The following EBF1 variants were observed in gnomAD, a reference collection of about 807,000 sequenced individuals.
EBF1 encodes the protein transcription factor COE1.
EBF1 carries 10 observed loss-of-function variants against 68.4 expected under a neutral mutation model. The ratio of observed to expected loss-of-function variants is 0.15; its 90% confidence interval spans 0.09 to 0.25. The LOEUF is 0.25. EBF1 is among the 10% of genes least tolerant of loss of function. The pLI is 1.00. For synonymous variants in EBF1, 298 were observed against 299.8 expected (o/e 0.99, Z 0.06); for missense variants, 509 against 794.4 (o/e 0.64, Z 4.32).
At chr5:158,919,828 G>C (rs1808009164) in intron 6 of EBF1, among the ~76,000 whole-genome samples, 1 of 152,162 alleles carries the variant, frequency 6.6e-6, no homozygotes, top group Non-Finnish European at 1.5e-5. Context: ...CCAATTTACA[G>C]ATAGGAATCT....
chr5:159,045,879 AGGAC>A (rs1368454403), intron 6 of EBF1, among the ~76,000 whole-genome samples: 1 of 152,190 alleles, frequency 6.6e-6, no homozygotes, highest in African/African-American at 2.4e-5. Flanking sequence ...CACCACAAAA[AGGAC>A]TGGAGGAAAA....
In EBF1 at chr5:158,997,426, A is replaced by G. The variant is rs528157012; in HGVS notation, c.554+75970T>C. 1.7e-3 allele frequency among the ~76,000 whole-genome samples: 261 copies of G among 152,292 alleles called. 1 individual carries two copies. The highest frequency in any genetic ancestry group is 6.1e-3 in the African/African-American group (252 of 41,566). On this transcript the variant is annotated intron_variant, in intron 6 of 15. Coordinates refer to ENST00000313708, the MANE Select transcript of EBF1 (RefSeq NM_024007.5). ...TTTTGCAGTTTCCAGTTATCTAAAAATTGCTAATCCACATACATAGAGTTG... is the reference window on the plus strand; with the variant it reads ...TTTTGCAGTTTCCAGTTATCTAAAAGTTGCTAATCCACATACATAGAGTTG...
rs146040232 is a variant in EBF1, at chr5:159,064,058, G to A, written c.554+9338C>T. ...TATGGATTACTGATGTTTTTTTCAA[G>A]CAAATACACAATCAAATTAAATGAG... is the stretch of plus-strand genomic sequence containing the variant. On this transcript the variant is annotated intron_variant, in intron 6 of 15. Transcript: ENST00000313708. Among the ~76,000 whole-genome samples, 49 of 152,176 alleles carry A rather than the reference G, an allele frequency of 3.2e-4. No individual in the cohort carries two copies. The East Asian group carries it at 9.1e-3, about 28-fold the overall frequency.
intron 14 of EBF1, among the ~76,000 whole-genome samples, chr5:158,709,456 G>A (rs1370926994): frequency 6.6e-6 from 1 of 152,170 alleles, no homozygotes; most frequent in Non-Finnish European, 1.5e-5. Context: ...AGCTCTTTCT[G>A]CTAAGCTACC....
At chr5:158,948,013 T>TA (rs1815167724) in intron 6 of EBF1, among the ~76,000 whole-genome samples, 1 of 152,210 alleles carries the variant, frequency 6.6e-6, no homozygotes, top group African/African-American at 2.4e-5. Flanking sequence ...CTTGTAATGA[T>TA]CTTTTAAGAC....
At chr5:158,972,737 CGCCCACGGGGCCCAAGAAATG>C (rs1219018365) in intron 6 of EBF1, among the ~76,000 whole-genome samples, 4 of 152,222 alleles carry the variant, frequency 2.6e-5, no homozygotes, top group African/African-American at 9.7e-5. Context: ...ACCTCCATAG[CGCCCACGGGGCCCAAGAAATG>C]GCCCCAGGAT....
chr5:159,007,726 C>A (rs763228756), intron 6 of EBF1, among the ~76,000 whole-genome samples: 1 of 152,116 alleles, frequency 6.6e-6, no homozygotes, highest in Non-Finnish European at 1.5e-5. Context: ...GCATTCATAC[C>A]TTAAATATGC....
chr5:158,977,307 T>C (rs2127577025), intron 6 of EBF1, among the ~76,000 whole-genome samples: 1 of 152,270 alleles, frequency 6.6e-6, no homozygotes. Context: ...TAAAAACCTA[T>C]CATTCTCTCA....
At chr5:158,871,371 T>C (rs1796844284) in intron 6 of EBF1, among the ~76,000 whole-genome samples, 1 of 152,162 alleles carries the variant, frequency 6.6e-6, no homozygotes, top group African/African-American at 2.4e-5. Flanking sequence ...TTAAATAAAG[T>C]TCTAGACACA....
intron 7 of EBF1, among the ~76,000 whole-genome samples, chr5:158,826,328 C>A (rs1313783112): frequency 6.6e-6 from 1 of 152,180 alleles, no homozygotes; most frequent in Non-Finnish European, 1.5e-5. Context: ...AAATGCCTGG[C>A]TATTTAAATT....
chr5:159,004,234 C>T (rs968561035), intron 6 of EBF1, among the ~76,000 whole-genome samples: 1 of 150,324 alleles, frequency 6.7e-6, no homozygotes, highest in African/African-American at 2.5e-5. Context: ...CAAGATCACA[C>T]CACTGCTCTC....
intron 9 of EBF1, among the ~76,000 whole-genome samples, chr5:158,786,375 T>TA (rs1279967286): frequency 2.6e-5 from 4 of 152,186 alleles, no homozygotes; most frequent in African/African-American, 7.2e-5. Flanking sequence ...ATGCTTCCAC[T>TA]ACCTCTGGTT....
In EBF1 at chr5:158,752,385, T is replaced by G. The variant is rs567798568; in HGVS notation, c.1037-21228A>C. On this transcript the variant is annotated intron_variant, in intron 10 of 15. Coordinates refer to ENST00000313708, the MANE Select transcript of EBF1 (RefSeq NM_024007.5). The stretch of plus-strand genomic sequence containing the variant: ...TTGAATATCTTCAAGGATCCATTTC[T>G]TAGGAAATCTATAAAGATGCAGAAA... Among the ~76,000 whole-genome samples the G allele has an allele frequency of 6.7e-5, 10 of 149,742 alleles. No homozygotes were observed. In the South Asian group the frequency reaches 2.1e-3, roughly 31 times the overall value.
intron 8 of EBF1, among the ~76,000 whole-genome samples, chr5:158,800,076 C>A (rs1430214009): frequency 2.0e-5 from 3 of 152,004 alleles, no homozygotes; most frequent in African/African-American, 7.2e-5. Context: ...GCAAAAAATT[C>A]AGATGTCTAG....
intron 6 of EBF1, among the ~76,000 whole-genome samples, chr5:158,910,020 G>T (rs1199712352): frequency 2.2e-5 from 3 of 138,480 alleles, no homozygotes; most frequent in Non-Finnish European, 4.6e-5. Context: ...AACTAGAAGA[G>T]CAGATTTTAG....
At chr5:158,742,735 A>C (rs1238232707) in intron 10 of EBF1, among the ~76,000 whole-genome samples, 1 of 152,194 alleles carries the variant, frequency 6.6e-6, no homozygotes, top group Non-Finnish European at 1.5e-5. Flanking sequence ...CTAACTTGGA[A>C]TTACAGTTTA....
At chr5:158,826,816 T>C (rs532784061) in intron 7 of EBF1, among the ~76,000 whole-genome samples, 15 of 152,344 alleles carry the variant, frequency 9.8e-5, no homozygotes, top group African/African-American at 3.6e-4. Context: ...ACTGATGTTT[T>C]CAATTTCTTG....
At chr5:158,740,916 C>G (rs1430557348) in intron 10 of EBF1, among the ~76,000 whole-genome samples, 1 of 152,206 alleles carries the variant, frequency 6.6e-6, no homozygotes, top group African/African-American at 2.4e-5. Flanking sequence ...CTGAGTATCT[C>G]AGCAATCCCT....
chr5:158,936,579 C>T (rs773407570), intron 6 of EBF1, among the ~76,000 whole-genome samples: 3 of 152,140 alleles, frequency 2.0e-5, no homozygotes, highest in Non-Finnish European at 4.4e-5. Context: ...AATCGGTGTC[C>T]CTTCCCACAT....
Sources: allele counts gnomAD v4.1 joint callset (sites outside exome capture counted in the v4.1 genomes callset), GRCh38; gene constraint gnomAD v4.1.1; transcripts MANE v1.5; gene names NCBI Gene and HGNC (gene_info 2026-07-23, HGNC 2026-07-21).